Variants in SLC5A4 observed in about 807,000 individuals in gnomAD.
SLC5A4 encodes the protein solute carrier family 5 member 4.
Under a neutral mutation model 70.3 loss-of-function variants are expected in SLC5A4, and 55 were observed. The observed-to-expected ratio is 0.78, with a 90% CI of 0.63 to 0.98. SLC5A4 has a LOEUF of 0.98. Among genes scored for constraint, SLC5A4 ranks in the 50% least tolerant of loss-of-function variants. The pLI is 0.00. For missense variants in SLC5A4, 735 were observed against 839.2 expected (o/e 0.88, Z 1.53); for synonymous variants, 268 against 305.7 (o/e 0.88, Z 1.29).
At chr22:32,268,368 A>G in the SLC5A4 span, 1 of 152,114 alleles carries the variant, frequency 6.6e-6, no homozygotes, top group Non-Finnish European at 1.5e-5. Context: ...CCGTGTACCT[A>G]AGTCGTGGAT....
chr22:32,351,665 A>G, the SLC5A4 span, among the ~76,000 whole-genome samples: 8 of 133,378 alleles, frequency 6.0e-5, no homozygotes, highest in East Asian at 1.8e-3. Context: ...TCACCACTGC[A>G]CTCCAGCCTG....
the SLC5A4 span, chr22:32,272,992 C>G: frequency 1.8e-6 from 1 of 541,074 alleles, no homozygotes; most frequent in African/African-American, 1.9e-5. Context: ...GGGAGCTGCT[C>G]AACCGCTACC....
At chr22:32,341,550 T>C in the SLC5A4 span, among the ~76,000 whole-genome samples, 1 of 152,184 alleles carries the variant, frequency 6.6e-6, no homozygotes, top group African/African-American at 2.4e-5. Context: ...CAGTGGACCG[T>C]GAATCCTGGG....
chr22:32,316,108 G>GAA, the SLC5A4 span, among the ~76,000 whole-genome samples: 1,862 of 131,964 alleles, frequency 0.014, 44 homozygotes, highest in African/African-American at 0.025. Flanking sequence ...GACTCTGTCT[G>GAA]AAAAAAAAAA....
rs79981141 is a variant in SLC5A4 at position 32,228,093 on chromosome 22, G to A, written c.1280+1101C>T. Among the ~76,000 whole-genome samples the A allele has an allele frequency of 2.1e-3, 326 of 152,312 alleles. 2 individuals are homozygous for A. The highest frequency in any genetic ancestry group is 0.02 in the South Asian group (97 of 4,826). On this transcript the variant is annotated intron_variant, in intron 11 of 14. Transcript: ENST00000266086. Reference sequence around the variant, plus strand: ...GCTTTGGAACGAGGTGGCCCAAGACGAACGAACTTCTGGGTGCTGGTAATT... The same window carrying A: ...GCTTTGGAACGAGGTGGCCCAAGACAAACGAACTTCTGGGTGCTGGTAATT...
the SLC5A4 span, chr22:32,273,428 G>A: frequency 6.2e-6 from 1 of 161,476 alleles, no homozygotes; most frequent in Non-Finnish European, 1.4e-5. Flanking sequence ...AGTGTAAAAT[G>A]GACACAAAAA....
intron 2 of SLC5A4, among the ~76,000 whole-genome samples, chr22:32,253,550 G>A (rs1321712521): frequency 6.6e-6 from 1 of 152,200 alleles, no homozygotes; most frequent in Non-Finnish European, 1.5e-5. Flanking sequence ...CGCAGAGCTT[G>A]TAAGAAGCCA....
the SLC5A4 span, among the ~76,000 whole-genome samples, chr22:32,321,062 C>T: frequency 4.6e-5 from 7 of 152,288 alleles, no homozygotes; most frequent in South Asian, 2.1e-4. Flanking sequence ...CCGAGGCAGG[C>T]GGATCACCAG....
chr22:32,273,158 C>G, the SLC5A4 span: 1 of 408,228 alleles, frequency 2.4e-6, no homozygotes, highest in Admixed American at 3.0e-5. Flanking sequence ...CTCCCACCAC[C>G]TTTTTTGAAC....
chr22:32,328,486 C>T, the SLC5A4 span, among the ~76,000 whole-genome samples: 4 of 152,188 alleles, frequency 2.6e-5, no homozygotes, highest in Non-Finnish European at 4.4e-5. Context: ...GGGTGGTCAG[C>T]TGTCATGCCA....
chr22:32,270,810 G>A, the SLC5A4 span: 1 of 592,008 alleles, frequency 1.7e-6, no homozygotes. Flanking sequence ...CCATGTTCCT[G>A]CTGAAAAGCA....
At chr22:32,331,015 T>C in the SLC5A4 span, among the ~76,000 whole-genome samples, 1 of 118,974 alleles carries the variant, frequency 8.4e-6, no homozygotes, top group Non-Finnish European at 1.7e-5. Flanking sequence ...TTGGGGGCTC[T>C]GGTGTGTGTG....
the SLC5A4 span, among the ~76,000 whole-genome samples, chr22:32,307,643 G>A: frequency 6.6e-6 from 1 of 152,310 alleles, no homozygotes; most frequent in African/African-American, 2.4e-5. Context: ...AACCCCCAAA[G>A]TTGTTTGCAT....
chr22:32,340,394 C>G, the SLC5A4 span, among the ~76,000 whole-genome samples: 5 of 152,202 alleles, frequency 3.3e-5, no homozygotes, highest in African/African-American at 1.2e-4. Context: ...ATGTGTCAGG[C>G]ACTGTTCTAT....
chr22:32,255,383 C>T, upstream of SLC5A4: 1 of 1,592,818 alleles, frequency 6.3e-7, no homozygotes, highest in East Asian at 2.2e-5. Context: ...TATATAAGTT[C>T]TGGGTTAATG....
At chr22:32,308,420 C>T in the SLC5A4 span, among the ~76,000 whole-genome samples, 1 of 152,290 alleles carries the variant, frequency 6.6e-6, no homozygotes, top group Admixed American at 6.5e-5. Context: ...CCTGGCGCCA[C>T]CAGGCTGGAA....
chr22:32,260,228 G>C (rs1436391778), upstream of SLC5A4, among the ~76,000 whole-genome samples: 3 of 152,018 alleles, frequency 2.0e-5, no homozygotes, highest in Admixed American at 2.0e-4. Context: ...GAGACAGGAA[G>C]GGTGCCCCAC....
chr22:32,279,052 G>C, the SLC5A4 span, among the ~76,000 whole-genome samples: 8 of 152,144 alleles, frequency 5.3e-5, no homozygotes, highest in African/African-American at 1.9e-4. Flanking sequence ...CGAGGCGAAC[G>C]GATCACGAGG....
intron 2 of SLC5A4, 39 bp from the exon 3 acceptor site, chr22:32,251,913 G>T: frequency 6.9e-7 from 1 of 1,448,986 alleles, no homozygotes; most frequent in South Asian, 1.1e-5. Flanking sequence ...GGAGTTAAAA[G>T]ATCCAAATCA....
Sources: allele counts gnomAD v4.1 joint callset (sites outside exome capture counted in the v4.1 genomes callset), GRCh38; gene constraint gnomAD v4.1.1; transcripts MANE v1.5; gene names NCBI Gene and HGNC (gene_info 2026-07-23, HGNC 2026-07-21).